Variants in USP6NL observed in about 807,000 individuals in gnomAD.
USP6NL encodes USP6 N-terminal-like protein.
Under a neutral mutation model 61.9 loss-of-function variants are expected in USP6NL, and 26 were observed. The ratio of observed to expected loss-of-function variants is 0.42; its 90% CI spans 0.31 to 0.58. USP6NL has a LOEUF of 0.58. USP6NL is among the 20% of genes least tolerant of loss of function. USP6NL has a pLI of 0.16. For synonymous variants in USP6NL, 432 were observed against 390.1 expected (o/e 1.11, Z -1.27); for missense variants, 1,114 against 1,034.3 (o/e 1.08, Z -1.06).
At chr10:11,584,604 C>T (rs1837903451) in intron 2 of USP6NL, among the ~76,000 whole-genome samples, 2 of 152,154 alleles carry the variant, frequency 1.3e-5, no homozygotes, top group South Asian at 2.1e-4. Flanking sequence ...TGCATTATCT[C>T]TCCTCTGACC....
chr10:11,561,406 T>C lies in USP6NL; in HGVS notation c.5-33839A>G, dbSNP rs1042473260. ...AGATTTAAACATACCATACACAGGA[T>C]ACACATGTGCATACGTGCACAAGAA... On this transcript the variant is annotated intron_variant, in intron 2 of 14. Coordinates refer to ENST00000609104, the MANE Select transcript of USP6NL (RefSeq NM_014688.5). This position sits in a 1 kb window ranked among gnomAD's most constrained non-coding sequence, Gnocchi z 4.1. Among the ~76,000 whole-genome samples the C allele has an allele frequency of 1.3e-5, 2 of 152,218 alleles. No individual in the cohort carries two copies. The highest frequency in any genetic ancestry group is 1.9e-4 in the East Asian group (1 of 5,200).
Position 11,474,409 on chromosome 10 carries a change from CATTTT to C in USP6NL, c.1078+7356_1078+7360del, listed in dbSNP as rs951978735. 2.6e-4 allele frequency among the ~76,000 whole-genome samples: 40 copies of C among 152,222 alleles called. No individual in the cohort carries two copies. The highest frequency in any genetic ancestry group is 3.4e-3 in the Middle Eastern group (1 of 294). ...TTGTAAGTTTTTTAGAACTAGGACA[CATTTT>C]ATTTAAATTGAAATTTGATACATTG... On this transcript the variant is annotated intron_variant, in intron 14 of 14. Transcript: ENST00000609104. The surrounding 1 kb of genome is among the most constrained non-coding windows in gnomAD (Gnocchi z 4.9).
chr10:11,509,182 C>T (rs530804207), intron 6 of USP6NL, among the ~76,000 whole-genome samples: 10 of 152,276 alleles, frequency 6.6e-5, no homozygotes, highest in Admixed American at 3.3e-4. Context: ...GAGGCCAGCC[C>T]TCTCTCTTTC....
chr10:11,501,258 AT>A, intron 6 of USP6NL, 50 bp from the exon 7 acceptor site: 1 of 1,402,820 alleles, frequency 7.1e-7, no homozygotes, highest in Non-Finnish European at 9.8e-7. Context: ...AAAAACTTAG[AT>A]TAGTCTCTAC....
chr10:11,477,351 A>C (rs1833010678), intron 14 of USP6NL, among the ~76,000 whole-genome samples: 1 of 152,214 alleles, frequency 6.6e-6, no homozygotes, highest in Non-Finnish European at 1.5e-5. Context: ...TTACAGATAT[A>C]AAAAGAACCG....
Position 11,518,837 on chromosome 10 carries a change from T to G in USP6NL, c.156-263A>C, listed in dbSNP as rs1191427720. 6.6e-6 allele frequency among the ~76,000 whole-genome samples: 1 copy of G among 152,176 alleles called. No homozygotes were observed. Among genetic ancestry groups the G allele is most frequent in the Non-Finnish European group, 1.5e-5 (1 of 68,044 alleles). ...AAAGCATCTAATTAACATTAAAATTTAATTTAGTTTAACACTGAGTTAGTC... is the reference window on the plus strand; with the variant it reads ...AAAGCATCTAATTAACATTAAAATTGAATTTAGTTTAACACTGAGTTAGTC... On this transcript the variant is annotated intron_variant, in intron 4 of 14. Coordinates refer to ENST00000609104, the MANE Select transcript of USP6NL (RefSeq NM_014688.5). The surrounding 1 kb of genome is among the most constrained non-coding windows in gnomAD (Gnocchi z 5.3).
Position 11,470,212 on chromosome 10 carries a change from C to T in USP6NL, c.1079-6363G>A, listed in dbSNP as rs1409531551. On this transcript the variant is annotated intron_variant, in intron 14 of 14. Transcript: ENST00000609104. The surrounding 1 kb of genome is among the most constrained non-coding windows in gnomAD (Gnocchi z 5.4). ...AGAGGACCAGAGAAGCAGCCAGCAGCGCAGAGGGCATGAGGATGGAGAAGG... is the reference window on the plus strand; with the variant it reads ...AGAGGACCAGAGAAGCAGCCAGCAGTGCAGAGGGCATGAGGATGGAGAAGG... Among the ~76,000 whole-genome samples the T allele has an allele frequency of 6.6e-6, 1 of 152,048 alleles. No individual in the cohort carries two copies. The highest frequency in any genetic ancestry group is 1.9e-4 in the East Asian group (1 of 5,180).
Position 11,468,151 on chromosome 10 carries a change from T to C in USP6NL, c.1079-4302A>G, listed in dbSNP as rs1032418389. 2.0e-5 allele frequency among the ~76,000 whole-genome samples: 3 copies of C among 152,228 alleles called. No homozygotes were observed. Among genetic ancestry groups the C allele is most frequent in the Non-Finnish European group, 2.9e-5 (2 of 68,036 alleles). Reference sequence around the variant, plus strand: ...AATCCATTTTTAATTAATCCATTTATTGATTCTTGCCTCAGACAGGCATCA... The same window carrying C: ...AATCCATTTTTAATTAATCCATTTACTGATTCTTGCCTCAGACAGGCATCA... On this transcript the variant is annotated intron_variant, in intron 14 of 14. Coordinates refer to ENST00000609104, the MANE Select transcript of USP6NL (RefSeq NM_014688.5). The surrounding 1 kb of genome is among the most constrained non-coding windows in gnomAD (Gnocchi z 4.5).
chr10:11,543,815 T>TTG (rs1836165610), intron 2 of USP6NL, among the ~76,000 whole-genome samples: 1 of 127,564 alleles, frequency 7.8e-6, no homozygotes, highest in African/African-American at 2.9e-5. Context: ...TTTTTTTTTT[T>TTG]TTTTTTTTTT....
intron 2 of USP6NL, among the ~76,000 whole-genome samples, chr10:11,578,912 T>C (rs187614931): frequency 7.2e-5 from 11 of 152,342 alleles, no homozygotes; most frequent in African/African-American, 2.6e-4. Context: ...AGCTTGCTGG[T>C]AGCTTGAAGT....
chr10:11,478,258 T>C lies in USP6NL; in HGVS notation c.1078+3512A>G, dbSNP rs761183388. The stretch of plus-strand genomic sequence containing the variant: ...TCCAACGCCAGTGGCAGCAGCGACG[T>C]CCACACACCTGAGGCTGTGGAGAAA... On this transcript the variant is annotated intron_variant, in intron 14 of 14. Coordinates refer to ENST00000609104, the MANE Select transcript of USP6NL (RefSeq NM_014688.5). The surrounding 1 kb of genome is among the most constrained non-coding windows in gnomAD (Gnocchi z 6.8). Among the ~76,000 whole-genome samples, 1 of 152,180 alleles carries C rather than the reference T, an allele frequency of 6.6e-6. No individual in the cohort carries two copies. Among genetic ancestry groups the C allele is most frequent in the Non-Finnish European group, 1.5e-5 (1 of 68,032 alleles).
At chr10:11,529,977 T>G (rs1835582141) in intron 2 of USP6NL, among the ~76,000 whole-genome samples, 1 of 151,868 alleles carries the variant, frequency 6.6e-6, no homozygotes, top group Non-Finnish European at 1.5e-5. Flanking sequence ...GGTGCTTGCC[T>G]GTGGTCCCAG....
rs1837332860 is a variant in USP6NL at position 11,570,909 on chromosome 10, G to T, written c.4+26722C>A. ...CCCATCCTTTTCCCTGGTCCACCAG[G>T]TTACATTGTCTTAACTCTGCCCATG... is the stretch of plus-strand genomic sequence containing the variant. On this transcript the variant is annotated intron_variant, in intron 2 of 14. Transcript: ENST00000609104. 2.0e-5 allele frequency among the ~76,000 whole-genome samples: 3 copies of T among 152,100 alleles called. No individual in the cohort carries two copies. In the South Asian group the frequency reaches 6.2e-4, roughly 31 times the overall value.
chr10:11,474,022 C>G lies in USP6NL; in HGVS notation c.1078+7748G>C, dbSNP rs1832866836. On this transcript the variant is annotated intron_variant, in intron 14 of 14. Transcript: ENST00000609104. This position sits in a 1 kb window ranked among gnomAD's most constrained non-coding sequence, Gnocchi z 4.9. The stretch of plus-strand genomic sequence containing the variant: ...CACCTTCGAGATAATAAAGGCGGTG[C>G]CACCCGATGGAACTCACCTGGAGTT... 6.6e-6 allele frequency among the ~76,000 whole-genome samples: 1 copy of G among 152,056 alleles called. No homozygotes were observed. The highest frequency in any genetic ancestry group is 2.1e-4 in the South Asian group (1 of 4,816).
At chr10:11,512,473 T>G (rs1834763685) in intron 5 of USP6NL, among the ~76,000 whole-genome samples, 5 of 152,200 alleles carry the variant, frequency 3.3e-5, no homozygotes. Flanking sequence ...TCCACACTGC[T>G]ACCACAACCC....
At chr10:11,497,792 A>G (rs754317510) in intron 7 of USP6NL, among the ~76,000 whole-genome samples, 5 of 152,238 alleles carry the variant, frequency 3.3e-5, no homozygotes, top group Non-Finnish European at 4.4e-5. Flanking sequence ...GAAAAGAGGT[A>G]AACAATTTCT....
chr10:11,472,610 C>A (rs2057812216), intron 14 of USP6NL, among the ~76,000 whole-genome samples: 1 of 152,156 alleles, frequency 6.6e-6, no homozygotes, highest in Non-Finnish European at 1.5e-5. Flanking sequence ...ACAGTAAGTC[C>A]AATTGTATTT....
intron 2 of USP6NL, among the ~76,000 whole-genome samples, chr10:11,588,468 TA>T (rs2133633239): frequency 6.6e-6 from 1 of 152,310 alleles, no homozygotes; most frequent in African/African-American, 2.4e-5. Context: ...TGTTCAAAAA[TA>T]AATCAGTGAT....
chr10:11,586,416 T>C (rs1335990715), intron 2 of USP6NL, among the ~76,000 whole-genome samples: 1 of 126,972 alleles, frequency 7.9e-6, no homozygotes, highest in Non-Finnish European at 1.7e-5. Flanking sequence ...AAAAAGGAAA[T>C]GGTTAAGTAA....
Sources: gnomAD v4.1 joint callset for allele counts (sites outside exome capture counted in the v4.1 genomes callset) on GRCh38, gnomAD v4.1.1 for gene constraint, Gnocchi (gnomAD v3.1) non-coding constraint, MANE v1.5 for transcripts, NCBI Gene and HGNC (gene_info 2026-07-23, HGNC 2026-07-21) for gene names.